The following MAD1L1 variants were observed in gnomAD, a reference collection of about 807,000 sequenced individuals.
The protein encoded by MAD1L1 is mitotic spindle assembly checkpoint protein MAD1.
A neutral mutation model predicts 96.9 loss-of-function variants in MAD1L1; 95 were observed. That is an observed-to-expected ratio of 0.98 (90% CI 0.83 to 1.16). The LOEUF (loss-of-function observed/expected upper bound fraction) is 1.16. Among genes scored for constraint, MAD1L1 ranks in the 50% most tolerant of loss-of-function variants. MAD1L1 has a pLI of 0.00. For synonymous variants in MAD1L1, 473 were observed against 396.6 expected (o/e 1.19, Z -2.29); for missense variants, 1,007 against 954.4 (o/e 1.06, Z -0.73).
chr7:1,985,846 C>T (rs535746311), intron 14 of MAD1L1, among the ~76,000 whole-genome samples: 1 of 152,188 alleles, frequency 6.6e-6, no homozygotes, highest in Non-Finnish European at 1.5e-5. Context: ...TCATGCAACC[C>T]CCGGCCTCAC....
At chr7:1,887,586 T>A (rs1786157927) in intron 18 of MAD1L1, among the ~76,000 whole-genome samples, 1 of 150,588 alleles carries the variant, frequency 6.6e-6, no homozygotes. Flanking sequence ...TGCCTGTGTG[T>A]GTGACCATGC....
chr7:1,870,593 C>G (rs909767798), intron 18 of MAD1L1, among the ~76,000 whole-genome samples: 7 of 108,740 alleles, frequency 6.4e-5, no homozygotes, highest in East Asian at 6.3e-4. Flanking sequence ...ACGCTGAACC[C>G]ACCGTAACAC....
At chr7:2,109,213 C>G (rs978624245) in intron 11 of MAD1L1, among the ~76,000 whole-genome samples, 7 of 152,238 alleles carry the variant, frequency 4.6e-5, no homozygotes, top group African/African-American at 1.7e-4. Flanking sequence ...TGAGGCCAGC[C>G]CTCTGGTGTC....
intron 17 of MAD1L1, among the ~76,000 whole-genome samples, chr7:1,911,782 C>T (rs181665189): frequency 6.6e-6 from 1 of 152,336 alleles, no homozygotes; most frequent in African/African-American, 2.4e-5. Flanking sequence ...TCCAGTCCGG[C>T]GTCACCTCCA....
intron 18 of MAD1L1, among the ~76,000 whole-genome samples, chr7:1,894,721 C>T (rs1433475034): frequency 2.6e-5 from 4 of 151,352 alleles, no homozygotes; most frequent in South Asian, 2.1e-4. Context: ...AGGGGGCGAG[C>T]GGGGTGCTAG....
In MAD1L1 at chr7:2,103,682, G is replaced by A. The variant is rs1442810147; in HGVS notation, c.1074-34344C>T. On this transcript the variant is annotated intron_variant, in intron 11 of 18. Transcript: ENST00000265854. This position sits in a 1 kb window ranked among gnomAD's most constrained non-coding sequence, Gnocchi z 4.3. ...CAGGGGAGAAGGAGGGAGCGGCCAC[G>A]AGGAGGAGCCAGGGAGGCGGCTACT... Among the ~76,000 whole-genome samples, 9 of 152,170 alleles carry A rather than the reference G, an allele frequency of 5.9e-5. No homozygotes were observed. In the South Asian group the frequency reaches 6.2e-4, roughly 11 times the overall value.
intron 12 of MAD1L1, among the ~76,000 whole-genome samples, chr7:2,015,976 G>A (rs943437182): frequency 2.6e-5 from 4 of 152,316 alleles, no homozygotes; most frequent in South Asian, 4.1e-4. Flanking sequence ...AGGAAGAAGC[G>A]GATGGGTATC....
chr7:1,935,542 G>T (rs1409832083), intron 17 of MAD1L1, among the ~76,000 whole-genome samples: 1 of 152,198 alleles, frequency 6.6e-6, no homozygotes, highest in Non-Finnish European at 1.5e-5. Context: ...GCACAAGAGG[G>T]AGGGAAGACC....
At chr7:1,993,752 T>C (rs1481137468) in intron 14 of MAD1L1, among the ~76,000 whole-genome samples, 3 of 152,226 alleles carry the variant, frequency 2.0e-5, no homozygotes, top group Non-Finnish European at 4.4e-5. Context: ...ATAAGATCTT[T>C]GCAAACTGGT....
intron 18 of MAD1L1, among the ~76,000 whole-genome samples, chr7:1,881,509 G>A (rs1396256488): frequency 5.9e-5 from 9 of 152,210 alleles, no homozygotes; most frequent in Admixed American, 2.6e-4. Context: ...GTTACACAGC[G>A]AAAGATAAAT....
chr7:2,149,409 G>A (rs1789461414), intron 10 of MAD1L1, among the ~76,000 whole-genome samples, 171 bp from the exon 11 acceptor site: 1 of 152,092 alleles, frequency 6.6e-6, no homozygotes, highest in Non-Finnish European at 1.5e-5. Context: ...TACAGCCTGG[G>A]GTCAACCACA....
chr7:2,054,673 A>T (rs1258475841), intron 12 of MAD1L1, among the ~76,000 whole-genome samples: 1 of 152,242 alleles, frequency 6.6e-6, no homozygotes, highest in Non-Finnish European at 1.5e-5. Flanking sequence ...AACCCTGCTT[A>T]TCTGTGGAGG....
chr7:2,029,009 G>A (rs1164257983), intron 12 of MAD1L1, among the ~76,000 whole-genome samples: 1 of 152,084 alleles, frequency 6.6e-6, no homozygotes, highest in African/African-American at 2.4e-5. Context: ...CTGGAGGGTG[G>A]CGAAGCTTTC....
chr7:2,065,211 G>T (rs1455972700), intron 12 of MAD1L1, among the ~76,000 whole-genome samples: 1 of 152,164 alleles, frequency 6.6e-6, no homozygotes, highest in African/African-American at 2.4e-5. Flanking sequence ...AGCAGCCCCC[G>T]CCTTCTTGGG....
At chr7:1,854,168 C>G (rs1784122498) in intron 18 of MAD1L1, among the ~76,000 whole-genome samples, 1 of 152,160 alleles carries the variant, frequency 6.6e-6, no homozygotes, top group African/African-American at 2.4e-5. Context: ...CACCCCCGCC[C>G]CAGGCTCTTT....
At chr7:2,136,809 C>T (rs1196197263) in intron 11 of MAD1L1, among the ~76,000 whole-genome samples, 1 of 152,234 alleles carries the variant, frequency 6.6e-6, no homozygotes, top group Non-Finnish European at 1.5e-5. Flanking sequence ...CTGCTCTCCA[C>T]ACCTGCACAC....
chr7:2,080,650 AAGTCCATC>A (rs750400042), intron 11 of MAD1L1, among the ~76,000 whole-genome samples: 16 of 152,088 alleles, frequency 1.1e-4, no homozygotes, highest in Non-Finnish European at 2.4e-4. Context: ...CTCTGACGCC[AAGTCCATC>A]CCCAGGCAGC....
chr7:1,865,661 A>G (rs1784744402), intron 18 of MAD1L1, among the ~76,000 whole-genome samples: 1 of 152,234 alleles, frequency 6.6e-6, no homozygotes, highest in Non-Finnish European at 1.5e-5. Context: ...GAGGCTGTTC[A>G]CACAAGATCC....
chr7:2,109,675 T>A (rs993418389), intron 11 of MAD1L1: 1 of 152,230 alleles, frequency 6.6e-6, no homozygotes, highest in African/African-American at 2.4e-5. Context: ...TAAATAGTTT[T>A]AAACACTTCT....
Sources: gnomAD v4.1 joint callset for allele counts (sites outside exome capture counted in the v4.1 genomes callset) on GRCh38, gnomAD v4.1.1 for gene constraint, Gnocchi (gnomAD v3.1) non-coding constraint, MANE v1.5 for transcripts, NCBI Gene and HGNC (gene_info 2026-07-23, HGNC 2026-07-21) for gene names.